Variants in INTS8 observed in about 807,000 individuals in gnomAD.
INTS8 encodes integrator complex subunit 8.
A neutral mutation model predicts 138.9 loss-of-function variants in INTS8; 47 were observed. The ratio of observed to expected loss-of-function variants is 0.34; its 90% CI spans 0.27 to 0.43. INTS8 has a LOEUF of 0.43. Ranked by LOEUF, INTS8 falls within the 20% of genes least tolerant of loss-of-function variation. The probability of loss-of-function intolerance (pLI) is 1.00; values close to 1 mark genes in which losing one functional copy is unlikely to be tolerated. For missense variants in INTS8, 996 were observed against 1,173.0 expected (o/e 0.85, Z 2.20); for synonymous variants, 392 against 400.9 (o/e 0.98, Z 0.27).
At chr8:94,828,599 C>T (rs1202211509) in intron 4 of INTS8, among the ~76,000 whole-genome samples, 2 of 151,982 alleles carry the variant, frequency 1.3e-5, no homozygotes, top group Non-Finnish European at 2.9e-5. Context: ...TACAAATGAG[C>T]TTTTGTTGTA....
chr8:94,876,352 AT>A, intron 25 of INTS8, 67 bp downstream of exon 25: 1 of 1,426,710 alleles, frequency 7.0e-7, no homozygotes, highest in Non-Finnish European at 9.8e-7. Flanking sequence ...AATATTTAAT[AT>A]TGTATATTTT....
chr8:94,849,395 C>G, intron 10 of INTS8, 67 bp from the exon 11 acceptor site: 4 of 847,384 alleles, frequency 4.7e-6, no homozygotes, highest in Non-Finnish European at 7.7e-6. Flanking sequence ...TAAATCCAGC[C>G]TTTTCAAATT....
rs1200293833 is a variant in INTS8, at chr8:94,873,483, T to C, written c.2637+6T>C. The C allele has an allele frequency of 2.5e-6, 4 of 1,588,870 alleles. No homozygotes were observed. In the African/African-American group the frequency reaches 4.0e-5, roughly 16 times the overall value. ...CTGATGTTTATACAGACCAGGTGAA[T>C]TGTTTTCGTGGGCTGGCTGGTTTCT... On this transcript the variant is annotated splice_donor_region_variant and intron_variant, in intron 22 of 26. Coordinates refer to ENST00000523731, the MANE Select transcript of INTS8 (RefSeq NM_017864.4).
At chr8:94,856,691 TCTC>T (rs1386314447) in intron 14 of INTS8, 83 bp from the exon 15 acceptor site, 20 of 1,052,154 alleles carry the variant, frequency 1.9e-5, no homozygotes, top group East Asian at 4.7e-5. Context: ...AAATAATCCT[TCTC>T]CTCTTTGCTC....
chr8:94,838,296 A>G (rs1815007639), intron 7 of INTS8, among the ~76,000 whole-genome samples, 167 bp from the exon 8 acceptor site: 1 of 152,088 alleles, frequency 6.6e-6, no homozygotes. Flanking sequence ...GTGATCCGCC[A>G]GTCTCGGCCT....
At position 94,856,875 on chromosome 8, in the gene INTS8, T is replaced by G; in HGVS notation, c.1851T>G (p.Leu617=). Reference sequence around the variant, plus strand: ...AGGTCATGCTGAATGAGATGTTGCTTTTGGATATTCATACACACGAAGCTG... The same window carrying G: ...AGGTCATGCTGAATGAGATGTTGCTGTTGGATATTCATACACACGAAGCTG... ...LRQVMLNEML[L]LDIHTHEAGT... Residue 617 remains leucine, a synonymous_variant, in exon 15 of 27, where the codon CTT becomes CTG. Transcript: ENST00000523731. 1 of 1,614,044 alleles carries G rather than the reference T, an allele frequency of 6.2e-7. No individual in the cohort carries two copies. Among genetic ancestry groups the G allele is most frequent in the East Asian group, 2.2e-5 (1 of 44,874 alleles).
At chr8:94,852,084 A>G (rs1173953400) in intron 13 of INTS8, among the ~76,000 whole-genome samples, 2 of 152,056 alleles carry the variant, frequency 1.3e-5, no homozygotes, top group East Asian at 3.9e-4. Context: ...CTGGGATTAC[A>G]GGTACCTGTC....
intron 7 of INTS8, among the ~76,000 whole-genome samples, chr8:94,838,155 C>T (rs1338145501): frequency 6.6e-6 from 1 of 151,712 alleles, no homozygotes; most frequent in Non-Finnish European, 1.5e-5. Context: ...GGGCTCAAGC[C>T]ATTCTCCTAC....
chr8:94,865,773 TTTCA>T, intron 17 of INTS8, 83 bp downstream of exon 17: 1 of 1,227,272 alleles, frequency 8.1e-7, no homozygotes, highest in African/African-American at 1.5e-5. Context: ...TAAAGGTTGA[TTTCA>T]AGAACATCAG....
intron 10 of INTS8, among the ~76,000 whole-genome samples, chr8:94,844,210 T>A (rs998582472): frequency 6.6e-6 from 1 of 152,000 alleles, no homozygotes; most frequent in Non-Finnish European, 1.5e-5. Context: ...GGCTAATTTT[T>A]GTATTTTTAG....
rs762805627 is a variant in INTS8 at position 94,838,409 on chromosome 8, G to C, written c.862-54G>C. On this transcript the variant is annotated intron_variant, in intron 7 of 26. Transcript: ENST00000523731. ...GTTAAAACATGCTAAGGGGGTGCTA[G>C]ACTATTGTTTATATTACATGAATGG... 4.4e-4 allele frequency: 635 copies of C among 1,428,270 alleles called. 3 individuals are homozygous for C. The highest frequency in any genetic ancestry group is 2.7e-3 in the South Asian group (223 of 82,736). 88.5% of individuals were successfully genotyped at this position (1,428,270 alleles called of 1,614,324 possible). A position where few individuals can be genotyped will look rare whatever the true frequency, so the allele number is the denominator to read the frequency against.
At chr8:94,860,660 T>C (rs2131049259) in intron 16 of INTS8, among the ~76,000 whole-genome samples, 1 of 152,014 alleles carries the variant, frequency 6.6e-6, no homozygotes, top group East Asian at 1.9e-4. Flanking sequence ...CCTGTCTCCT[T>C]TTTGGGTATA....
chr8:94,866,158 G>T lies in INTS8; in HGVS notation c.2262G>T (p.Arg754=). ...QRESTLGIMY[R]SELLSFIKKL... Reference sequence around the variant, plus strand: ...GTATTCAAAAATTTTTGTTTTGTAGGAGTGAACTGCTTTCTTTTATCAAAA... The same window carrying T: ...GTATTCAAAAATTTTTGTTTTGTAGTAGTGAACTGCTTTCTTTTATCAAAA... The change falls in exon 18 of 27, where the codon CGG becomes CGT. Residue 754 remains arginine (R), a splice_region_variant and synonymous_variant. Coordinates refer to ENST00000523731, the MANE Select transcript of INTS8 (RefSeq NM_017864.4). 1 of 1,264,046 alleles carries T rather than the reference G, an allele frequency of 7.9e-7. No individual in the cohort carries two copies. Among genetic ancestry groups the T allele is most frequent in the Non-Finnish European group, 1.1e-6 (1 of 885,446 alleles). 78.3% of individuals were successfully genotyped at this position (1,264,046 alleles called of 1,614,324 possible). A position where few individuals can be genotyped will look rare whatever the true frequency, so the allele number is the denominator to read the frequency against.
At chr8:94,840,158 T>C (rs935211328) in intron 8 of INTS8, among the ~76,000 whole-genome samples, 15 of 152,228 alleles carry the variant, frequency 9.9e-5, no homozygotes, top group African/African-American at 3.6e-4. Flanking sequence ...TTATGAACTA[T>C]GTGGGTTTTG....
At chr8:94,871,254 G>A (rs896666052) in intron 20 of INTS8, among the ~76,000 whole-genome samples, 1 of 151,586 alleles carries the variant, frequency 6.6e-6, no homozygotes, top group African/African-American at 2.4e-5. Context: ...ATTGGCTGAG[G>A]CCAGGAGTTT....
chr8:94,862,356 G>A (rs1207000312), intron 16 of INTS8, among the ~76,000 whole-genome samples: 1 of 152,164 alleles, frequency 6.6e-6, no homozygotes, highest in African/African-American at 2.4e-5. Context: ...ATCAGATGAG[G>A]GAACCGTTGT....
At chr8:94,866,087 A>G (rs951871197) in intron 17 of INTS8, 71 bp from the exon 18 acceptor site, 5 of 671,970 alleles carry the variant, frequency 7.4e-6, no homozygotes, top group Admixed American at 2.7e-5. Flanking sequence ...ACCTTCACCT[A>G]TAATTTACTT....
intron 9 of INTS8, among the ~76,000 whole-genome samples, 167 bp downstream of exon 9, chr8:94,841,758 G>A (rs1028110338): frequency 4.6e-5 from 7 of 152,094 alleles, no homozygotes; most frequent in South Asian, 2.1e-4. Flanking sequence ...GTGTTCCTCC[G>A]TCTAGTCTGT....
At chr8:94,875,781 G>A (rs762447175) in intron 23 of INTS8, among the ~76,000 whole-genome samples, 2 of 152,126 alleles carry the variant, frequency 1.3e-5, no homozygotes, top group Non-Finnish European at 2.9e-5. Context: ...GTCCTTGAAT[G>A]TCATGACACT....
Sources: gnomAD v4.1 joint callset for allele counts (sites outside exome capture counted in the v4.1 genomes callset) on GRCh38, gnomAD v4.1.1 for gene constraint, MANE v1.5 for transcripts, NCBI Gene and HGNC (gene_info 2026-07-23, HGNC 2026-07-21) for gene names.